Variants in CNOT9 observed in about 807,000 individuals in gnomAD.
The protein encoded by CNOT9 is CCR4-NOT transcription complex subunit 9, also known as RCD1 required for cell differentiation1 homolog.
A neutral mutation model predicts 37.4 loss-of-function variants in CNOT9; 8 were observed. That is an observed-to-expected ratio of 0.21 (90% CI 0.13 to 0.39). The LOEUF (loss-of-function observed/expected upper bound fraction) is 0.39, where lower values mean the gene tolerates loss of function less well. Ranked by LOEUF, CNOT9 falls within the 10% of genes least tolerant of loss-of-function variation. The pLI is 1.00. For synonymous variants in CNOT9, 120 were observed against 137.6 expected (o/e 0.87, Z 0.90); for missense variants, 154 against 365.3 (o/e 0.42, Z 4.71).
At chr2:218,571,831 C>T (rs1694005785) in intron 1 of CNOT9, among the ~76,000 whole-genome samples, 1 of 149,982 alleles carries the variant, frequency 6.7e-6, no homozygotes, top group Admixed American at 6.6e-5. Flanking sequence ...GTGATCTGCC[C>T]GCCTCAGCCC....
At chr2:218,590,061 T>TG (rs1445129524) in intron 5 of CNOT9, among the ~76,000 whole-genome samples, 9 of 150,810 alleles carry the variant, frequency 6.0e-5, no homozygotes, top group South Asian at 2.1e-4. Flanking sequence ...TCTGTTTTTT[T>TG]TTTTGTTGTT....
At chr2:218,591,501 T>C (rs1694774580) in intron 5 of CNOT9, among the ~76,000 whole-genome samples, 2 of 152,134 alleles carry the variant, frequency 1.3e-5, no homozygotes, top group Admixed American at 1.3e-4. Flanking sequence ...CCCAGCACTT[T>C]GGTAGGCCAA....
At chr2:218,569,226 A>C (rs564045998) in intron 1 of CNOT9, among the ~76,000 whole-genome samples, 53 of 151,998 alleles carry the variant, frequency 3.5e-4, no homozygotes, top group South Asian at 1.2e-3. Context: ...GCCTGGTCCC[A>C]CGCCCGTAGC....
intron 1 of CNOT9, among the ~76,000 whole-genome samples, chr2:218,577,167 G>A (rs1302955511): frequency 1.3e-5 from 2 of 152,162 alleles, no homozygotes; most frequent in Non-Finnish European, 2.9e-5. Flanking sequence ...GTAAATATAA[G>A]TATTTAGGAC....
At chr2:218,570,102 C>T (rs190708756) in intron 1 of CNOT9, among the ~76,000 whole-genome samples, 24 of 152,272 alleles carry the variant, frequency 1.6e-4, no homozygotes, top group Non-Finnish European at 3.1e-4. Flanking sequence ...AGATTAAAGA[C>T]TCAGATACTT....
rs1694803043 is a variant in CNOT9 at position 218,592,201 on chromosome 2, T to G, written c.541-103T>G. 1.3e-6 allele frequency: 1 copy of G among 781,592 alleles called. No individual in the cohort carries two copies. The highest frequency in any genetic ancestry group is 2.1e-5 in the Admixed American group (1 of 48,718). The allele number at this position is 781,592 out of a possible 1,614,324, so 48.4% of individuals were successfully genotyped here. The stretch of plus-strand genomic sequence containing the variant: ...TACATAATATACAAGGATCCCTGCT[T>G]GCTCAATTTTCTGACTGATAGTCAT... On this transcript the variant is annotated intron_variant, in intron 5 of 7. Coordinates refer to ENST00000273064, the MANE Select transcript of CNOT9 (RefSeq NM_005444.3). The surrounding 1 kb of genome is among the most constrained non-coding windows in gnomAD (Gnocchi z 4.1).
intron 3 of CNOT9, among the ~76,000 whole-genome samples, chr2:218,583,898 A>G (rs982744350): frequency 1.3e-5 from 2 of 152,252 alleles, no homozygotes; most frequent in African/African-American, 4.8e-5. Context: ...TTGCCTGACT[A>G]AACTGTTTTC....
chr2:218,589,863 A>G (rs940641173), intron 5 of CNOT9, among the ~76,000 whole-genome samples: 1 of 152,194 alleles, frequency 6.6e-6, no homozygotes, highest in African/African-American at 2.4e-5. Context: ...TGTCAAAGGC[A>G]TTGTTGAGCA....
Position 218,592,823 on chromosome 2 carries a change from T to A in CNOT9, c.731+116T>A. The A allele has an allele frequency of 1.3e-6, 1 of 787,140 alleles. No homozygotes were observed. 48.8% of individuals were successfully genotyped at this position (787,140 alleles called of 1,614,324 possible). ...AGGGAAGTGGGGATATAACTGCATT[T>A]AGTTTGTCTGAGACAGAACTTAGAT... On this transcript the variant is annotated intron_variant, in intron 7 of 7. Transcript: ENST00000273064. This position sits in a 1 kb window ranked among gnomAD's most constrained non-coding sequence, Gnocchi z 4.1.
chr2:218,568,933 G>A lies in CNOT9; in HGVS notation c.-22G>A. The A allele has an allele frequency of 6.2e-7, 1 of 1,607,060 alleles. No homozygotes were observed. Among genetic ancestry groups the A allele is most frequent in the Non-Finnish European group, 8.5e-7 (1 of 1,177,026 alleles). The stretch of plus-strand genomic sequence containing the variant: ...GGGTCGGACGCGTCCGGCTGTGGAA[G>A]AGAGCGGCGGCCGCTCACAACATGC... On this transcript the variant is annotated 5_prime_UTR_variant, in exon 1 of 8. Transcript: ENST00000273064.
At chr2:218,593,519 CTTT>C (rs1475316667) in intron 7 of CNOT9, 1 of 1,481,790 alleles carries the variant, frequency 6.7e-7, no homozygotes, top group Non-Finnish European at 9.0e-7. Flanking sequence ...TAACATTTAC[CTTT>C]TTTAGGTTTT....
chr2:218,580,131 G>A (rs1365723129), intron 1 of CNOT9, among the ~76,000 whole-genome samples: 1 of 152,010 alleles, frequency 6.6e-6, no homozygotes, highest in East Asian at 1.9e-4. Flanking sequence ...ACCACACCCA[G>A]CTAAATTTTG....
chr2:218,568,869 T>A lies in CNOT9; in HGVS notation c.-86T>A. On this transcript the variant is annotated 5_prime_UTR_variant, in exon 1 of 8. Transcript: ENST00000273064. ...GGAGTCGGATGGCGGCTACGGCGGC[T>A]CATTGTTTTCCGCTGCAGGGGTGCT... is the stretch of plus-strand genomic sequence containing the variant. 6.8e-7 allele frequency: 1 copy of A among 1,474,506 alleles called. No individual in the cohort carries two copies. Among genetic ancestry groups the A allele is most frequent in the Non-Finnish European group, 9.3e-7 (1 of 1,080,780 alleles). 91.3% of individuals were successfully genotyped at this position (1,474,506 alleles called of 1,614,324 possible).
chr2:218,589,852 C>T (rs1694717277), intron 5 of CNOT9, among the ~76,000 whole-genome samples: 1 of 152,158 alleles, frequency 6.6e-6, no homozygotes, highest in African/African-American at 2.4e-5. Flanking sequence ...ATATGGATGA[C>T]TGTCAAAGGC....
intron 1 of CNOT9, among the ~76,000 whole-genome samples, chr2:218,577,771 T>C (rs1244756135): frequency 6.6e-6 from 1 of 152,200 alleles, no homozygotes; most frequent in East Asian, 1.9e-4. Context: ...TGATGGAGTT[T>C]ACTGATGGTG....
Position 218,587,587 on chromosome 2 carries a change from G to A in CNOT9, c.432G>A (p.Gly144=). 1 of 1,578,768 alleles carries A rather than the reference G, an allele frequency of 6.3e-7. No homozygotes were observed. The highest frequency in any genetic ancestry group is 1.2e-5 in the South Asian group (1 of 84,214). ...TTTGTTTGTCCTTATTTTCTTTAGG[G>A]GCCCTGGTGAAAACAGATGAACAAG... The part of the protein sequence containing the change: ...YLRLTSLGVI[G]ALVKTDEQEV... The change falls in exon 5 of 8, where the codon GGG becomes GGA. Residue 144 remains glycine, a splice_region_variant and synonymous_variant. Transcript: ENST00000273064.
intron 7 of CNOT9, chr2:218,593,844 G>A (rs919744836): frequency 1.7e-5 from 20 of 1,210,388 alleles, no homozygotes; most frequent in Non-Finnish European, 1.9e-5. Flanking sequence ...CTGTTTGAAT[G>A]GAAGTAAACT....
At chr2:218,588,125 C>T (rs1348927858) in intron 5 of CNOT9, among the ~76,000 whole-genome samples, 1 of 152,146 alleles carries the variant, frequency 6.6e-6, no homozygotes, top group Non-Finnish European at 1.5e-5. Context: ...TGTTCTGTCT[C>T]AGACCTCCAT....
At chr2:218,586,261 C>A (rs1213824043) in intron 4 of CNOT9, among the ~76,000 whole-genome samples, 1 of 152,136 alleles carries the variant, frequency 6.6e-6, no homozygotes, top group East Asian at 1.9e-4. Flanking sequence ...AACCCTACCC[C>A]CTCATGTCAT....
Sources: gnomAD v4.1 joint callset for allele counts (sites outside exome capture counted in the v4.1 genomes callset) on GRCh38, gnomAD v4.1.1 for gene constraint, Gnocchi (gnomAD v3.1) non-coding constraint, MANE v1.5 for transcripts, NCBI Gene and HGNC (gene_info 2026-07-23, HGNC 2026-07-21) for gene names.